Variants in TRAP1 observed in about 807,000 individuals in gnomAD.
TRAP1 encodes the protein heat shock protein 75 kDa, mitochondrial.
In TRAP1, 102 loss-of-function variants were observed where a neutral mutation model predicts 89.1. The ratio of observed to expected loss-of-function variants is 1.15; its 90% confidence interval spans 0.98 to 1.35. The LOEUF is 1.35. Ranked by LOEUF, TRAP1 falls within the 40% of genes most tolerant of loss-of-function variation. The probability of loss-of-function intolerance (pLI) is 0.00; values close to 1 mark genes in which losing one functional copy is unlikely to be tolerated. For missense variants in TRAP1, 1,256 were observed against 945.3 expected, an observed-to-expected ratio of 1.33 and a Z score of -4.31; for synonymous variants, 508 against 388.0, an observed-to-expected ratio of 1.31 and a Z score of -3.64.
At chr16:3,663,165 G>A (rs2043178882) in intron 14 of TRAP1, 198 bp from the exon 15 acceptor site, 1 of 660,496 alleles carries the variant, frequency 1.5e-6, no homozygotes, top group East Asian at 2.7e-5. Flanking sequence ...CTTGGTTAGG[G>A]CTTTAAAAAA....
Position 3,666,170 on chromosome 16 carries a change from A to G in TRAP1, c.1236-52T>C, listed in dbSNP as rs753576025. On this transcript the variant is annotated intron_variant, in intron 11 of 17. Transcript: ENST00000246957. ...ATACAAGCAGCCTCTATGAAATACAAATGGCCAGAGGGTACGAAAAAATGT... is the reference window on the plus strand; with the variant it reads ...ATACAAGCAGCCTCTATGAAATACAGATGGCCAGAGGGTACGAAAAAATGT... 18 of 1,573,150 alleles carry G rather than the reference A, an allele frequency of 1.1e-5. 1 individual carries two copies. Among genetic ancestry groups the G allele is most frequent in the African/African-American group, 2.7e-5 (2 of 72,892 alleles).
chr16:3,664,547 A>G, intron 12 of TRAP1, 88 bp from the exon 13 acceptor site: 1 of 1,407,046 alleles, frequency 7.1e-7, no homozygotes. Flanking sequence ...TCCGATGCCC[A>G]TGGCCTCCTG....
intron 1 of TRAP1, among the ~76,000 whole-genome samples, chr16:3,696,932 G>A (rs1272507128): frequency 6.6e-6 from 1 of 152,028 alleles, no homozygotes; most frequent in Non-Finnish European, 1.5e-5. Flanking sequence ...TCACCATGTT[G>A]CCCAGGCTGG....
chr16:3,669,341 G>T (rs2050879187), intron 11 of TRAP1, among the ~76,000 whole-genome samples: 1 of 152,210 alleles, frequency 6.6e-6, no homozygotes, highest in African/African-American at 2.4e-5. Context: ...CTGCCCTGTG[G>T]TCATGTCGGC....
intron 1 of TRAP1, among the ~76,000 whole-genome samples, chr16:3,713,469 C>T (rs1368664435): frequency 6.6e-6 from 1 of 152,182 alleles, no homozygotes; most frequent in Non-Finnish European, 1.5e-5. Flanking sequence ...ACTCTCACAA[C>T]TCTGATTTCC....
At chr16:3,664,508 A>G (rs1375014085) in intron 12 of TRAP1, 49 bp from the exon 13 acceptor site, 2 of 1,551,114 alleles carry the variant, frequency 1.3e-6, no homozygotes, top group African/African-American at 1.4e-5. Context: ...CATGGGCTCA[A>G]TGTTGCCCAA....
Position 3,675,384 on chromosome 16 carries a change from C to CTTCG in TRAP1, c.824_827dup (p.Lys276AsnfsTer34). The CTTCG allele has an allele frequency of 6.2e-7, 1 of 1,614,114 alleles. No individual in the cohort carries two copies. Among genetic ancestry groups the CTTCG allele is most frequent in the Non-Finnish European group, 8.5e-7 (1 of 1,179,956 alleles). On this transcript the variant is annotated frameshift_variant, in exon 8 of 18. Transcript: ENST00000246957. LOFTEE classifies it high-confidence loss of function. ...AGGGGAAGCTGACGAAGTTGCTGTA[C>CTTCG]TTCGTTACCACATCTGGAAGGGACA...
chr16:3,660,023 A>C lies in TRAP1; in HGVS notation c.1941-1158T>G, dbSNP rs1229364428. 6 of 152,180 alleles carry C rather than the reference A, an allele frequency of 3.9e-5. No homozygotes were observed. In the East Asian group the frequency reaches 1.2e-3, roughly 29 times the overall value. 9.4% of individuals were successfully genotyped at this position (152,180 alleles called of 1,614,324 possible). On this transcript the variant is annotated intron_variant, in intron 16 of 17. Coordinates refer to ENST00000246957, the MANE Select transcript of TRAP1 (RefSeq NM_016292.3). ...ATTACAGGCGTGAGGCACCGCACCC[A>C]ACCTAACAGAGGAAACACTTCAAAT...
At chr16:3,711,136 A>C (rs1183400723) in intron 1 of TRAP1, among the ~76,000 whole-genome samples, 1 of 151,766 alleles carries the variant, frequency 6.6e-6, no homozygotes, top group South Asian at 2.1e-4. Context: ...CGCAGCCCCC[A>C]AAGTGCTGGG....
chr16:3,671,866 C>G (rs1378604752), intron 10 of TRAP1, 75 bp from the exon 11 acceptor site: 4 of 1,503,428 alleles, frequency 2.7e-6, no homozygotes, highest in Non-Finnish European at 3.7e-6. Context: ...TTAACCTGCC[C>G]TTTGTCTTCA....
At chr16:3,665,566 G>A (rs997321940) in intron 12 of TRAP1, 1 of 190,798 alleles carries the variant, frequency 5.2e-6, no homozygotes, top group South Asian at 1.2e-4. Flanking sequence ...AGTACATGAT[G>A]AATAGTCCCT....
chr16:3,670,048 A>G (rs1399766590), intron 11 of TRAP1, among the ~76,000 whole-genome samples: 1 of 151,960 alleles, frequency 6.6e-6, no homozygotes, highest in Non-Finnish European at 1.5e-5. Flanking sequence ...ACTAGGTAGA[A>G]AAAAGGAAAC....
At chr16:3,667,254 G>C (rs1038586100) in intron 11 of TRAP1, among the ~76,000 whole-genome samples, 4 of 152,168 alleles carry the variant, frequency 2.6e-5, no homozygotes, top group African/African-American at 9.7e-5. Flanking sequence ...GTAGGTGACA[G>C]GGACACCCGC....
chr16:3,710,618 C>G (rs1042029816), intron 1 of TRAP1, among the ~76,000 whole-genome samples: 3 of 152,070 alleles, frequency 2.0e-5, no homozygotes, highest in Non-Finnish European at 2.9e-5. Context: ...GTGGAAAATT[C>G]GCTTGAACAT....
At chr16:3,684,581 G>A (rs2051114315) in intron 4 of TRAP1, among the ~76,000 whole-genome samples, 1 of 152,158 alleles carries the variant, frequency 6.6e-6, no homozygotes, top group Admixed American at 6.5e-5. Context: ...CTTGAGGGCA[G>A]GAGTTCAAGC....
chr16:3,691,832 T>C (rs1257490334), intron 1 of TRAP1, among the ~76,000 whole-genome samples: 1 of 152,212 alleles, frequency 6.6e-6, no homozygotes, highest in African/African-American at 2.4e-5. Context: ...CGATGGGTTC[T>C]ACCTTCTAAC....
intron 11 of TRAP1, among the ~76,000 whole-genome samples, chr16:3,668,599 C>CT (rs1000458988): frequency 1.3e-5 from 2 of 152,180 alleles, no homozygotes; most frequent in Non-Finnish European, 2.9e-5. Flanking sequence ...TTCAAAAGCT[C>CT]TAATTTCGGC....
intron 1 of TRAP1, among the ~76,000 whole-genome samples, chr16:3,700,436 G>C (rs1487773595): frequency 2.7e-5 from 4 of 150,834 alleles, no homozygotes; most frequent in Non-Finnish European, 5.9e-5. Flanking sequence ...CAAAGTGCTA[G>C]GATTACAGGT....
intron 8 of TRAP1, 52 bp from the exon 9 acceptor site, chr16:3,674,546 T>A (rs1374327051): frequency 5.7e-6 from 9 of 1,591,482 alleles, no homozygotes; most frequent in East Asian, 2.3e-5. Flanking sequence ...GCACGTCTTC[T>A]CCACCACCGT....
Sources: allele counts gnomAD v4.1 joint callset (sites outside exome capture counted in the v4.1 genomes callset), GRCh38; gene constraint gnomAD v4.1.1; transcripts MANE v1.5; gene names NCBI Gene and HGNC (gene_info 2026-07-23, HGNC 2026-07-21).